Variants in MCTP1 observed in about 807,000 individuals in gnomAD.
MCTP1 encodes the protein multiple C2 and transmembrane domain-containing protein 1.
In MCTP1, 69 loss-of-function variants were observed where a neutral mutation model predicts 120.6. The ratio of observed to expected loss-of-function variants is 0.57; its 90% CI spans 0.47 to 0.70. MCTP1 has a LOEUF of 0.70. Among genes scored for constraint, MCTP1 ranks in the 30% least tolerant of loss-of-function variants. MCTP1 has a pLI of 0.00. For missense variants in MCTP1, 1,203 were observed against 1,248.8 expected (o/e 0.96, Z 0.55); for synonymous variants, 529 against 493.1 (o/e 1.07, Z -0.96).
At chr5:95,237,644 C>A (rs2152669957) in intron 1 of MCTP1, among the ~76,000 whole-genome samples, 1 of 152,194 alleles carries the variant, frequency 6.6e-6, no homozygotes, top group Admixed American at 6.5e-5. Context: ...CAGTGGAACA[C>A]AAGAGAGGAA....
intron 2 of MCTP1, among the ~76,000 whole-genome samples, chr5:95,005,028 C>G (rs1834423964): frequency 6.6e-6 from 1 of 152,210 alleles, no homozygotes; most frequent in African/African-American, 2.4e-5. Context: ...TGAAGAGCCA[C>G]AGGGGCAGAG....
intron 1 of MCTP1, among the ~76,000 whole-genome samples, chr5:95,179,389 C>T (rs1748364934): frequency 6.6e-6 from 1 of 152,160 alleles, no homozygotes; most frequent in Admixed American, 6.5e-5. Flanking sequence ...ATCAGGTTAT[C>T]TAAAGTCAAG....
intron 1 of MCTP1, among the ~76,000 whole-genome samples, chr5:95,218,438 A>T (rs1477187759): frequency 6.6e-6 from 1 of 152,176 alleles, no homozygotes; most frequent in Non-Finnish European, 1.5e-5. Context: ...TTCAACTAGT[A>T]ATCTGGGACA....
chr5:94,913,181 TAA>T (rs1319432798), intron 8 of MCTP1, among the ~76,000 whole-genome samples: 8 of 152,074 alleles, frequency 5.3e-5, no homozygotes, highest in Admixed American at 3.9e-4. Flanking sequence ...ATTCGTTGTG[TAA>T]AAGAGTTGAG....
chr5:95,004,574 G>A (rs1230539478), intron 2 of MCTP1, among the ~76,000 whole-genome samples: 1 of 152,192 alleles, frequency 6.6e-6, no homozygotes, highest in African/African-American at 2.4e-5. Flanking sequence ...TCAGGACATG[G>A]CACCCTGCGT....
intron 17 of MCTP1, among the ~76,000 whole-genome samples, chr5:94,802,731 G>T (rs764063984): frequency 1.3e-5 from 2 of 152,142 alleles, no homozygotes; most frequent in African/African-American, 4.8e-5. Flanking sequence ...GCATTAAAAT[G>T]GGATGGAAAA....
At chr5:94,787,513 C>G (rs1410787323) in intron 18 of MCTP1, among the ~76,000 whole-genome samples, 1 of 150,626 alleles carries the variant, frequency 6.6e-6, no homozygotes, top group African/African-American at 2.5e-5. Flanking sequence ...TACAAGGGAA[C>G]TCTTCAAGAG....
Position 95,219,035 on chromosome 5 carries a change from C to T in MCTP1, c.720+64821G>A, listed in dbSNP as rs2064962530. Among the ~76,000 whole-genome samples the T allele has an allele frequency of 2.6e-5, 4 of 152,054 alleles. No individual in the cohort carries two copies. In the South Asian group the frequency reaches 8.3e-4, roughly 32 times the overall value. On this transcript the variant is annotated intron_variant, in intron 1 of 22. Coordinates refer to ENST00000515393, the MANE Select transcript of MCTP1 (RefSeq NM_024717.7). ...TTCATCCTATTCATTTTTATAGTTA[C>T]CATCTATTTTGGGAAAAAATGATTT...
intron 17 of MCTP1, among the ~76,000 whole-genome samples, chr5:94,844,301 C>CAAAAAAAAAAAAAA (rs59169145): frequency 2.5e-5 from 2 of 79,712 alleles, no homozygotes; most frequent in African/African-American, 5.4e-5. Flanking sequence ...GACTCTGTCT[C>CAAAAAAAAAAAAAA]AAAAAAAAAA....
intron 1 of MCTP1, among the ~76,000 whole-genome samples, chr5:95,088,638 G>A (rs145798885): frequency 1.4e-3 from 220 of 152,280 alleles, no homozygotes; most frequent in African/African-American, 5.0e-3. Context: ...CAAACACTAC[G>A]ACTTGTTTTG....
At chr5:94,727,762 TTTTA>T (rs1265862220) in intron 19 of MCTP1, among the ~76,000 whole-genome samples, 1 of 152,182 alleles carries the variant, frequency 6.6e-6, no homozygotes, top group Admixed American at 6.5e-5. Flanking sequence ...CACTTTGGGC[TTTTA>T]TTTCTCAATT....
intron 11 of MCTP1, among the ~76,000 whole-genome samples, chr5:94,891,472 G>C (rs1802592113): frequency 6.6e-6 from 1 of 152,100 alleles, no homozygotes; most frequent in Non-Finnish European, 1.5e-5. Context: ...TCAAAAAAAG[G>C]TTTCCGTGCT....
At chr5:95,080,816 G>T (rs975949378) in intron 1 of MCTP1, among the ~76,000 whole-genome samples, 1 of 152,186 alleles carries the variant, frequency 6.6e-6, no homozygotes, top group African/African-American at 2.4e-5. Flanking sequence ...AACAGCAAGT[G>T]AGAAAGTAGG....
chr5:95,240,397 A>G (rs1756032377), intron 1 of MCTP1, among the ~76,000 whole-genome samples: 1 of 152,218 alleles, frequency 6.6e-6, no homozygotes, highest in Non-Finnish European at 1.5e-5. Context: ...ACGCAAGTTC[A>G]GGGATGGCAG....
chr5:95,196,204 G>A (rs544877590), intron 1 of MCTP1, among the ~76,000 whole-genome samples: 129 of 152,056 alleles, frequency 8.5e-4, no homozygotes, highest in African/African-American at 3.0e-3. Flanking sequence ...GCAGGGATAC[G>A]GCTTATACTA....
chr5:94,851,020 G>T (rs1561746946), intron 17 of MCTP1, among the ~76,000 whole-genome samples: 1 of 151,952 alleles, frequency 6.6e-6, no homozygotes, highest in Non-Finnish European at 1.5e-5. Flanking sequence ...TCTTCTTTAA[G>T]AAAATATTGA....
intron 10 of MCTP1, among the ~76,000 whole-genome samples, chr5:94,908,987 T>G (rs1807704082): frequency 6.6e-6 from 1 of 152,074 alleles, no homozygotes; most frequent in South Asian, 2.1e-4. Context: ...ATGAAATTCC[T>G]CTTTCTCAAC....
At chr5:95,263,350 G>A (rs978641607) in intron 1 of MCTP1, among the ~76,000 whole-genome samples, 1 of 152,170 alleles carries the variant, frequency 6.6e-6, no homozygotes, top group African/African-American at 2.4e-5. Flanking sequence ...AAGCAAGTCT[G>A]TAGTTAGCAT....
At chr5:95,174,435 AT>A (rs1396631412) in intron 1 of MCTP1, among the ~76,000 whole-genome samples, 2 of 152,244 alleles carry the variant, frequency 1.3e-5, no homozygotes, top group African/African-American at 2.4e-5. Flanking sequence ...TCTCAAAAAA[AT>A]ATTACAAGTT....
Sources: gnomAD v4.1 joint callset for allele counts (sites outside exome capture counted in the v4.1 genomes callset) on GRCh38, gnomAD v4.1.1 for gene constraint, MANE v1.5 for transcripts, NCBI Gene and HGNC (gene_info 2026-07-23, HGNC 2026-07-21) for gene names.